The following UNC13C variants were observed in gnomAD, a reference collection of about 807,000 sequenced individuals.
UNC13C encodes protein unc-13 homolog C.
In UNC13C, 174 loss-of-function variants were observed where a neutral mutation model predicts 245.4. The observed-to-expected ratio is 0.71, with a 90% CI of 0.63 to 0.80. The LOEUF (loss-of-function observed/expected upper bound fraction) is 0.80. Among genes scored for constraint, UNC13C ranks in the 30% least tolerant of loss-of-function variants. The probability of loss-of-function intolerance (pLI) is 0.00; values close to 1 mark genes in which losing one functional copy is unlikely to be tolerated. For missense variants in UNC13C, 2,829 were observed against 2,602.9 expected (o/e 1.09, Z -1.89); for synonymous variants, 992 against 895.1 (o/e 1.11, Z -1.93).
intron 17 of UNC13C, among the ~76,000 whole-genome samples, chr15:54,372,280 G>A (rs901502162): frequency 2.0e-5 from 3 of 151,962 alleles, no homozygotes; most frequent in African/African-American, 7.2e-5. Context: ...ATATCAGTGA[G>A]CTTTATCTTA....
At chr15:53,907,528 C>T in the UNC13C span, among the ~76,000 whole-genome samples, 1 of 152,116 alleles carries the variant, frequency 6.6e-6, no homozygotes, top group African/African-American at 2.4e-5. Context: ...GAGTATTCCT[C>T]TTATATTTTC....
chr15:54,167,276 G>A (rs569324184), intron 4 of UNC13C, among the ~76,000 whole-genome samples: 2 of 152,150 alleles, frequency 1.3e-5, no homozygotes, highest in Admixed American at 6.5e-5. Flanking sequence ...GCCGAGGCAG[G>A]CGGATCACGA....
intron 2 of UNC13C, among the ~76,000 whole-genome samples, chr15:54,038,125 T>TATA (rs1491459554): frequency 7.7e-4 from 22 of 28,446 alleles, no homozygotes; most frequent in African/African-American, 1.7e-3. Context: ...TATATATATA[T>TATA]TTTTTTTTTT....
intron 19 of UNC13C, among the ~76,000 whole-genome samples, chr15:54,430,880 T>C (rs1479287515): frequency 6.6e-6 from 1 of 151,706 alleles, no homozygotes; most frequent in Non-Finnish European, 1.5e-5. Flanking sequence ...GAACAGTTGG[T>C]GAGTGGGTTT....
At chr15:53,866,702 C>T in the UNC13C span, among the ~76,000 whole-genome samples, 1 of 152,286 alleles carries the variant, frequency 6.6e-6, no homozygotes, top group East Asian at 1.9e-4. Context: ...GAAGCTACTG[C>T]AAAGCATAGA....
At chr15:54,209,143 T>C (rs2034802411) in intron 4 of UNC13C, among the ~76,000 whole-genome samples, 1 of 152,090 alleles carries the variant, frequency 6.6e-6, no homozygotes, top group Admixed American at 6.6e-5. Context: ...TGTTCAGCTA[T>C]ATGGAGATTT....
intron 30 of UNC13C, among the ~76,000 whole-genome samples, chr15:54,619,067 G>T (rs1900633931): frequency 6.6e-6 from 1 of 152,120 alleles, no homozygotes; most frequent in South Asian, 2.1e-4. Context: ...ATAGTAAGGG[G>T]CAAGCAGCTT....
At chr15:54,281,775 C>T (rs2037003962) in intron 10 of UNC13C, among the ~76,000 whole-genome samples, 1 of 152,142 alleles carries the variant, frequency 6.6e-6, no homozygotes, top group Non-Finnish European at 1.5e-5. Flanking sequence ...TTATTATCAC[C>T]ATTAAACAGA....
At chr15:54,601,677 G>T (rs1417979991) in intron 30 of UNC13C, among the ~76,000 whole-genome samples, 1 of 152,008 alleles carries the variant, frequency 6.6e-6, no homozygotes, top group South Asian at 2.1e-4. Context: ...TTCCCTTTGG[G>T]GACCTGGTTG....
chr15:54,361,408 G>A (rs2039228651), intron 17 of UNC13C, among the ~76,000 whole-genome samples: 2 of 151,948 alleles, frequency 1.3e-5, no homozygotes, highest in Admixed American at 1.3e-4. Flanking sequence ...AATTTCATCA[G>A]TTTTCTATCT....
chr15:53,862,663 G>A, the UNC13C span, among the ~76,000 whole-genome samples: 1 of 152,086 alleles, frequency 6.6e-6, no homozygotes. Context: ...AAAGGTTAGT[G>A]GAAACCGACT....
At chr15:54,373,388 G>A (rs2039535763) in intron 17 of UNC13C, among the ~76,000 whole-genome samples, 1 of 152,178 alleles carries the variant, frequency 6.6e-6, no homozygotes, top group Admixed American at 6.5e-5. Context: ...CTACTGGCCT[G>A]GATCCCATTC....
intron 29 of UNC13C, among the ~76,000 whole-genome samples, chr15:54,560,201 T>C (rs987416754): frequency 7.9e-5 from 12 of 151,892 alleles, no homozygotes; most frequent in African/African-American, 2.9e-4. Context: ...AAAGTAATGA[T>C]GGAAAATTGC....
At chr15:54,392,218 G>A (rs1677738234) in intron 17 of UNC13C, among the ~76,000 whole-genome samples, 1 of 151,964 alleles carries the variant, frequency 6.6e-6, no homozygotes, top group Admixed American at 6.6e-5. Flanking sequence ...GACCAGAATA[G>A]CTTATCTCTA....
At chr15:54,322,426 T>A (rs1280362113) in intron 14 of UNC13C, among the ~76,000 whole-genome samples, 1 of 152,000 alleles carries the variant, frequency 6.6e-6, no homozygotes, top group African/African-American at 2.4e-5. Flanking sequence ...TTCACTGTCT[T>A]GTAGATATAG....
chr15:54,379,334 T>A (rs2039672028), intron 17 of UNC13C, among the ~76,000 whole-genome samples: 1 of 152,102 alleles, frequency 6.6e-6, no homozygotes, highest in South Asian at 2.1e-4. Flanking sequence ...TCATCAGGTC[T>A]GAAGGTGAAA....
chr15:54,295,410 A>C (rs2037402270), intron 11 of UNC13C, among the ~76,000 whole-genome samples: 1 of 152,106 alleles, frequency 6.6e-6, no homozygotes, highest in South Asian at 2.1e-4. Flanking sequence ...ACATTTTGGG[A>C]GGTGGAGGAG....
At chr15:54,598,545 G>C (rs1431195067) in intron 30 of UNC13C, among the ~76,000 whole-genome samples, 1 of 152,188 alleles carries the variant, frequency 6.6e-6, no homozygotes. Flanking sequence ...ATAAACTTCT[G>C]TTGAATCAAC....
the UNC13C span, among the ~76,000 whole-genome samples, chr15:53,930,298 A>C: frequency 2.6e-5 from 4 of 152,224 alleles, no homozygotes; most frequent in South Asian, 4.2e-4. Flanking sequence ...CAATGTCTAG[A>C]CTTCGAACTC....
Sources: allele counts gnomAD v4.1 joint callset (sites outside exome capture counted in the v4.1 genomes callset), GRCh38; gene constraint gnomAD v4.1.1; transcripts MANE v1.5; gene names NCBI Gene and HGNC (gene_info 2026-07-23, HGNC 2026-07-21).